TOX2: variants seen among roughly 807,000 people sequenced by gnomAD.
The protein encoded by TOX2 is granulosa cell HMG box 1.
In TOX2, 15 loss-of-function variants were observed where a neutral mutation model predicts 47.4. The observed-to-expected ratio is 0.32, with a 90% CI of 0.21 to 0.49. TOX2 has a LOEUF of 0.49. TOX2 is among the 20% of genes least tolerant of loss of function. The pLI, the probability that TOX2 is intolerant of heterozygous loss-of-function variation, is 0.99. For missense variants in TOX2, 622 were observed against 673.1 expected, an observed-to-expected ratio of 0.92 and a Z score of 0.84; for synonymous variants, 290 against 296.6, an observed-to-expected ratio of 0.98 and a Z score of 0.23.
At chr20:44,064,544 A>T (rs1048532042) in intron 5 of TOX2, among the ~76,000 whole-genome samples, 16 of 152,326 alleles carry the variant, frequency 1.1e-4, no homozygotes, top group African/African-American at 3.8e-4. Context: ...GAGATGAAGC[A>T]TGTTGGCCAA....
intron 1 of TOX2, among the ~76,000 whole-genome samples, chr20:43,943,190 T>G (rs1569018125): frequency 6.6e-6 from 1 of 152,156 alleles, no homozygotes; most frequent in Non-Finnish European, 1.5e-5. Flanking sequence ...GAGGATGCTT[T>G]CTCACCTGTA....
rs149773270 is a variant in TOX2, at chr20:43,952,875, T to C, written c.100-20492T>C. 9.9e-5 allele frequency among the ~76,000 whole-genome samples: 15 copies of C among 152,238 alleles called. No homozygotes were observed. In the East Asian group the frequency reaches 2.3e-3, roughly 24 times the overall value. On this transcript the variant is annotated intron_variant, in intron 1 of 8. Transcript: ENST00000341197. ...GCTAGGTCCTAATCTTTGAAACCTG[T>C]GTATGTTACTTTAAATGGCAAAAGG...
intron 1 of TOX2, among the ~76,000 whole-genome samples, 189 bp from the exon 2 acceptor site, chr20:43,973,176 CAG>C (rs2070007249): frequency 6.6e-6 from 1 of 152,214 alleles, no homozygotes; most frequent in Non-Finnish European, 1.5e-5. Context: ...GGCCGTGGAA[CAG>C]GGGCTGCTCC....
In TOX2 at chr20:44,065,758, C is replaced by A; in HGVS notation, c.1007C>A (p.Pro336Gln). 7.5e-6 allele frequency: 12 copies of A among 1,606,758 alleles called. No individual in the cohort carries two copies. Among genetic ancestry groups the A allele is most frequent in the Non-Finnish European group, 1.0e-5 (12 of 1,174,376 alleles). ...ACCAAGAGCACTCAGGCAAACCCAC[C>A]AGCCAAAATGCTCCCACCCAAGCAG... ...GETKSTQANP[P>Q]AKMLPPKQPM... is the part of the protein sequence containing the mutation. The change falls in exon 7 of 9, where the codon CCA becomes CAA. Residue 336 changes from proline to glutamine, a missense_variant. This residue lies in a region of TOX2 where 294 missense variants were observed against 300.0 expected (regional missense o/e 0.98). Transcript: ENST00000341197.
intron 3 of TOX2, among the ~76,000 whole-genome samples, chr20:44,010,751 AATG>A (rs1378551425): frequency 1.1e-4 from 17 of 152,298 alleles, no homozygotes; most frequent in African/African-American, 4.1e-4. Flanking sequence ...ACCGAGGGAT[AATG>A]ATAATAGTAT....
At chr20:44,067,654 C>A (rs574652518) in intron 8 of TOX2, among the ~76,000 whole-genome samples, 2 of 152,258 alleles carry the variant, frequency 1.3e-5, no homozygotes, top group East Asian at 3.9e-4. Context: ...TGCACTCCAC[C>A]TTTCAAACCC....
At chr20:43,947,878 G>A (rs2069498614) in intron 1 of TOX2, among the ~76,000 whole-genome samples, 1 of 152,198 alleles carries the variant, frequency 6.6e-6, no homozygotes, top group Admixed American at 6.5e-5. Context: ...GTGCTGGAAG[G>A]AAAGGAGTCT....
chr20:43,941,875 CAGA>C (rs1450681856), intron 1 of TOX2, among the ~76,000 whole-genome samples: 2 of 152,188 alleles, frequency 1.3e-5, no homozygotes, highest in African/African-American at 4.8e-5. Context: ...TCAGCAATCT[CAGA>C]AGATTTGTCC....
intron 1 of TOX2, among the ~76,000 whole-genome samples, chr20:43,948,344 C>T (rs1388908052): frequency 6.6e-6 from 1 of 152,198 alleles, no homozygotes; most frequent in Admixed American, 6.5e-5. Context: ...ACCTTTGATT[C>T]CCTCAGAAGA....
chr20:43,946,401 T>C (rs1020033221), intron 1 of TOX2, among the ~76,000 whole-genome samples: 4 of 151,986 alleles, frequency 2.6e-5, no homozygotes, highest in Non-Finnish European at 5.9e-5. Context: ...GGAGCAGTAA[T>C]GGGGATGGCC....
rs1466403057 is a variant in TOX2, at chr20:43,916,496, C to A, written c.99+1506C>A. The stretch of plus-strand genomic sequence containing the variant: ...ACAAGTGAGGTCTCGCGAAGAGTGG[C>A]GGTGGTTCTCTTTTGTCCAGTGACC... On this transcript the variant is annotated intron_variant, in intron 1 of 8. Coordinates refer to ENST00000341197, the MANE Select transcript of TOX2 (RefSeq NM_001098797.2). The surrounding 1 kb of genome is among the most constrained non-coding windows in gnomAD (Gnocchi z 5.0). Among the ~76,000 whole-genome samples the A allele has an allele frequency of 6.6e-6, 1 of 152,184 alleles. No individual in the cohort carries two copies. Among genetic ancestry groups the A allele is most frequent in the Non-Finnish European group, 1.5e-5 (1 of 68,032 alleles).
chr20:44,024,871 A>T (rs1156248164), intron 3 of TOX2, among the ~76,000 whole-genome samples: 1 of 152,230 alleles, frequency 6.6e-6, no homozygotes, highest in Non-Finnish European at 1.5e-5. Context: ...AAATTTACAT[A>T]CATGGGACCC....
chr20:44,038,718 C>T (rs562133846), intron 3 of TOX2, among the ~76,000 whole-genome samples: 11 of 152,012 alleles, frequency 7.2e-5, no homozygotes, highest in South Asian at 4.2e-4. Flanking sequence ...CTTCGGAGGA[C>T]GCAGGGTGGC....
intron 2 of TOX2, among the ~76,000 whole-genome samples, chr20:43,984,139 C>T (rs2070221176): frequency 6.6e-6 from 1 of 152,152 alleles, no homozygotes; most frequent in Non-Finnish European, 1.5e-5. Context: ...GCTAAGATTA[C>T]AAACAATCAA....
At chr20:44,036,060 G>A (rs2071233651) in intron 3 of TOX2, among the ~76,000 whole-genome samples, 1 of 152,190 alleles carries the variant, frequency 6.6e-6, no homozygotes, top group Non-Finnish European at 1.5e-5. Flanking sequence ...TAACCATGGG[G>A]GAAGCAGCTC....
At chr20:44,068,250 C>A (rs115907130) in intron 8 of TOX2, among the ~76,000 whole-genome samples, 9 of 152,206 alleles carry the variant, frequency 5.9e-5, no homozygotes, top group African/African-American at 2.2e-4. Flanking sequence ...CCATCACATC[C>A]AGCATGGAGG....
chr20:43,982,892 G>A (rs955789598), intron 2 of TOX2, among the ~76,000 whole-genome samples: 2 of 151,452 alleles, frequency 1.3e-5, no homozygotes, highest in Admixed American at 1.3e-4. Context: ...AGCAGAAGGC[G>A]TGTTCTAAGG....
At chr20:43,994,380 G>A (rs1211165108) in intron 2 of TOX2, among the ~76,000 whole-genome samples, 9 of 149,088 alleles carry the variant, frequency 6.0e-5, no homozygotes, top group Non-Finnish European at 1.3e-4. Context: ...GATAGCTTGA[G>A]CCCAGGAGTC....
At chr20:43,973,181 G>A (rs2070007479) in intron 1 of TOX2, among the ~76,000 whole-genome samples, 186 bp from the exon 2 acceptor site, 1 of 152,358 alleles carries the variant, frequency 6.6e-6, no homozygotes, top group Admixed American at 6.5e-5. Flanking sequence ...TGGAACAGGG[G>A]CTGCTCCTTC....
Sources: gnomAD v4.1 joint callset for allele counts (sites outside exome capture counted in the v4.1 genomes callset) on GRCh38, gnomAD v4.1.1 for gene constraint, gnomAD v4.1.1 regional missense constraint, Gnocchi (gnomAD v3.1) non-coding constraint, MANE v1.5 for transcripts, NCBI Gene and HGNC (gene_info 2026-07-23, HGNC 2026-07-21) for gene names.